PDE10A: variants seen among roughly 807,000 people sequenced by gnomAD.
PDE10A encodes the protein phosphodiesterase 10A.
In PDE10A, 39 loss-of-function variants were observed where a neutral mutation model predicts 97.7. The observed-to-expected ratio is 0.40, with a 90% CI of 0.31 to 0.52. The LOEUF is 0.52. Among genes scored for constraint, PDE10A ranks in the 20% least tolerant of loss-of-function variants. The pLI is 0.56. For synonymous variants in PDE10A, 371 were observed against 376.8 expected, an observed-to-expected ratio of 0.98 and a Z score of 0.18; for missense variants, 731 against 1,047.8, an observed-to-expected ratio of 0.70 and a Z score of 4.17.
At chr6:165,429,564 C>A (rs1432713154) in intron 9 of PDE10A, among the ~76,000 whole-genome samples, 1 of 152,128 alleles carries the variant, frequency 6.6e-6, no homozygotes, top group Non-Finnish European at 1.5e-5. Flanking sequence ...ACATGTGAAA[C>A]ATAACATGTC....
At chr6:165,511,890 T>C (rs529464433) in intron 2 of PDE10A, among the ~76,000 whole-genome samples, 4 of 152,222 alleles carry the variant, frequency 2.6e-5, no homozygotes, top group Non-Finnish European at 4.4e-5. Flanking sequence ...TCACTTTAGT[T>C]TCACTCTATG....
intron 1 of PDE10A, among the ~76,000 whole-genome samples, chr6:165,619,730 T>TAGTATAGTCTAGTGC (rs1554296859): frequency 9.4e-5 from 14 of 148,810 alleles, no homozygotes; most frequent in African/African-American, 3.2e-4. Context: ...CAGTGTAGTG[T>TAGTATAGTCTAGTGC]AGTGTAGTCT....
At chr6:165,341,141 G>C (rs1162677427) in intron 19 of PDE10A, among the ~76,000 whole-genome samples, 1 of 152,136 alleles carries the variant, frequency 6.6e-6, no homozygotes, top group Non-Finnish European at 1.5e-5. Flanking sequence ...AGAAGAGACA[G>C]GACTTTATAG....
chr6:165,822,088 C>T (rs1779588145), intron 1 of PDE10A, among the ~76,000 whole-genome samples: 1 of 152,230 alleles, frequency 6.6e-6, no homozygotes, highest in African/African-American at 2.4e-5. Context: ...CTCACACCTA[C>T]AAACTTAAAT....
rs114478439 is a variant in PDE10A at position 165,817,994 on chromosome 6, A to G, written c.-615+169535T>C. ...CCGTTGCAAGGCACTGACATTGCAC[A>G]TCGTACTTCACACGGTGGCATGTAG... On this transcript the variant is annotated intron_variant, in intron 1 of 19. Coordinates refer to the PDE10A transcript ENST00000366882. Among the ~76,000 whole-genome samples, 205 of 152,340 alleles carry G rather than the reference A, an allele frequency of 1.3e-3. 1 individual carries two copies. Among genetic ancestry groups the G allele is most frequent in the African/African-American group, 4.7e-3 (194 of 41,576 alleles).
chr6:165,359,038 C>G (rs1392921730), intron 18 of PDE10A, among the ~76,000 whole-genome samples: 1 of 151,918 alleles, frequency 6.6e-6, no homozygotes, highest in East Asian at 1.9e-4. Context: ...AACTATAATT[C>G]TACATAGTCT....
intron 1 of PDE10A, among the ~76,000 whole-genome samples, chr6:165,970,898 G>C (rs2128500930): frequency 6.6e-6 from 1 of 152,258 alleles, no homozygotes; most frequent in African/African-American, 2.4e-5. Flanking sequence ...TGTAATCCCA[G>C]CACTTTGGGA....
At chr6:165,432,136 C>T (rs1209162866) in intron 7 of PDE10A, among the ~76,000 whole-genome samples, 1 of 152,094 alleles carries the variant, frequency 6.6e-6, no homozygotes, top group Non-Finnish European at 1.5e-5. Flanking sequence ...AATGGAGTGG[C>T]CTTCAGTGTA....
chr6:165,857,780 A>G (rs1238739909), intron 1 of PDE10A, among the ~76,000 whole-genome samples: 2 of 151,714 alleles, frequency 1.3e-5, no homozygotes, highest in African/African-American at 2.4e-5. Flanking sequence ...AGATTAGGGC[A>G]ATGCATCATG....
rs557264718 is a variant in PDE10A at position 165,334,390 on chromosome 6, C to T, written c.3066-1263G>A. Among the ~76,000 whole-genome samples, 24 of 149,350 alleles carry T rather than the reference C, an allele frequency of 1.6e-4. 1 individual carries two copies. In the East Asian group the frequency reaches 4.0e-3, roughly 25 times the overall value. ...CCATAGCGCCCTACAGCGCCGGGCA[C>T]GCGCCTCCATAGCGCCCTACAGCGC... On this transcript the variant is annotated intron_variant, in intron 21 of 21. Transcript: ENST00000539869.
intron 1 of PDE10A, among the ~76,000 whole-genome samples, chr6:165,793,917 T>C (rs1217665574): frequency 6.6e-6 from 1 of 152,224 alleles, no homozygotes; most frequent in Non-Finnish European, 1.5e-5. Flanking sequence ...CCAAATTATC[T>C]GGTTTAATCT....
chr6:165,967,508 A>G (rs527664087), intron 1 of PDE10A, among the ~76,000 whole-genome samples: 1 of 152,234 alleles, frequency 6.6e-6, no homozygotes, highest in Non-Finnish European at 1.5e-5. Flanking sequence ...TCAAAAAAAA[A>G]TTTGTTTAAC....
chr6:165,860,272 G>A (rs1239176266), intron 1 of PDE10A, among the ~76,000 whole-genome samples: 1 of 152,130 alleles, frequency 6.6e-6, no homozygotes, highest in Non-Finnish European at 1.5e-5. Context: ...TGACCAACAT[G>A]GAGAAACCCC....
intron 1 of PDE10A, among the ~76,000 whole-genome samples, chr6:165,823,773 G>T (rs968248404): frequency 6.6e-6 from 1 of 151,830 alleles, no homozygotes; most frequent in Non-Finnish European, 1.5e-5. Context: ...GCACTGTGAC[G>T]TTAAGAAGAC....
intron 1 of PDE10A, among the ~76,000 whole-genome samples, chr6:165,589,646 T>C (rs1045644705): frequency 3.9e-5 from 6 of 151,908 alleles, no homozygotes; most frequent in African/African-American, 7.3e-5. Flanking sequence ...TATTTTTGAA[T>C]GGATGGAAAG....
intron 1 of PDE10A, among the ~76,000 whole-genome samples, chr6:165,626,721 C>A (rs946971646): frequency 6.6e-6 from 1 of 152,028 alleles, no homozygotes; most frequent in African/African-American, 2.4e-5. Context: ...CACTTTCACT[C>A]CTACCCACAG....
At chr6:165,545,605 A>G (rs902938560) in intron 1 of PDE10A, among the ~76,000 whole-genome samples, 1 of 152,136 alleles carries the variant, frequency 6.6e-6, no homozygotes, top group African/African-American at 2.4e-5. Context: ...CCCAACTGAA[A>G]AATGGGCCAA....
chr6:165,889,909 C>CCCT (rs1554335992), intron 1 of PDE10A, among the ~76,000 whole-genome samples: 17 of 70,580 alleles, frequency 2.4e-4, no homozygotes, highest in East Asian at 9.0e-4. Context: ...CCTCCCTCCT[C>CCCT]CCTCCCTCAC....
rs992213636 is a variant in PDE10A at position 165,943,302 on chromosome 6, A to G, written c.-615+44227T>C. Among the ~76,000 whole-genome samples the G allele has an allele frequency of 3.0e-3, 407 of 134,218 alleles. 17 individuals carry two copies. The highest frequency in any genetic ancestry group is 6.0e-3 in the African/African-American group (206 of 34,320). 88.1% of individuals were successfully genotyped at this position (134,218 alleles called of 152,430 possible). On this transcript the variant is annotated intron_variant, in intron 1 of 19. Coordinates refer to the PDE10A transcript ENST00000366882. ...AAGAAAGAAAGAAAGAAGGAAAGAA[A>G]GAAAGAAGGAAGGAAGGAAAGAAAG...
Sources: gnomAD v4.1 joint callset for allele counts (sites outside exome capture counted in the v4.1 genomes callset) on GRCh38, gnomAD v4.1.1 for gene constraint, MANE v1.5 for transcripts, NCBI Gene and HGNC (gene_info 2026-07-23, HGNC 2026-07-21) for gene names.